The following RALYL variants were observed in gnomAD, a reference collection of about 807,000 sequenced individuals.
The protein encoded by RALYL is RNA-binding Raly-like protein.
A neutral mutation model predicts 35.1 loss-of-function variants in RALYL; 29 were observed. That is an observed-to-expected ratio of 0.83 (90% CI 0.61 to 1.13). The LOEUF is 1.13. RALYL is among the 50% of genes most tolerant of loss of function. The pLI is 0.00. For synonymous variants in RALYL, 120 were observed against 127.6 expected (o/e 0.94, Z 0.40); for missense variants, 359 against 360.4 (o/e 1.00, Z 0.03).
In RALYL at chr8:84,419,059, G is replaced by A. The variant is rs886151778; in HGVS notation, c.-23-110240G>A. The stretch of plus-strand genomic sequence containing the variant: ...GCAGATATGATTTCTCTCCAACTCC[G>A]TATGTAAAAAAGATAAGGTGAAAAG... On this transcript the variant is annotated intron_variant, in intron 1 of 8. Transcript: ENST00000521268. 3.3e-5 allele frequency among the ~76,000 whole-genome samples: 5 copies of A among 151,962 alleles called. No homozygotes were observed. The South Asian group carries it at 6.2e-4, about 19-fold the overall frequency.
intron 1 of RALYL, among the ~76,000 whole-genome samples, chr8:84,469,602 G>GC (rs1361382054): frequency 6.6e-6 from 1 of 152,020 alleles, no homozygotes; most frequent in African/African-American, 2.4e-5. Context: ...TTTTGTTTGT[G>GC]CCCTGCCCCC....
intron 1 of RALYL, among the ~76,000 whole-genome samples, chr8:84,455,710 A>G (rs1325720468): frequency 6.6e-6 from 1 of 152,048 alleles, no homozygotes; most frequent in Non-Finnish European, 1.5e-5. Flanking sequence ...AAATCAATTC[A>G]ATTATTCAGT....
intron 2 of RALYL, among the ~76,000 whole-genome samples, chr8:84,676,673 T>G (rs1032137734): frequency 1.3e-5 from 2 of 152,232 alleles, no homozygotes; most frequent in East Asian, 1.9e-4. Flanking sequence ...ATGCCATCAT[T>G]AAGCCTCAAT....
intron 1 of RALYL, among the ~76,000 whole-genome samples, chr8:84,409,212 A>AGAAG (rs1392750706): frequency 6.6e-6 from 1 of 152,016 alleles, no homozygotes; most frequent in Non-Finnish European, 1.5e-5. Context: ...AGGTGATTTT[A>AGAAG]TTTCATTGAG....
intron 2 of RALYL, among the ~76,000 whole-genome samples, chr8:84,539,876 A>ATATG (rs1564110690): frequency 1.6e-3 from 31 of 19,048 alleles, no homozygotes; most frequent in African/African-American, 3.2e-3. Context: ...ATATATATAT[A>ATATG]TGTATATATA....
intron 7 of RALYL, among the ~76,000 whole-genome samples, chr8:84,886,390 G>A (rs1024983690): frequency 7.2e-5 from 11 of 151,876 alleles, no homozygotes; most frequent in African/African-American, 1.9e-4. Flanking sequence ...TTTATCTCAC[G>A]TTATGAAAAA....
chr8:84,878,876 A>C (rs1841685961), intron 7 of RALYL, among the ~76,000 whole-genome samples: 1 of 152,126 alleles, frequency 6.6e-6, no homozygotes, highest in South Asian at 2.1e-4. Flanking sequence ...CAGTTTTCCT[A>C]GGTCATCTGT....
chr8:84,388,969 GT>G (rs1340530102), intron 1 of RALYL, among the ~76,000 whole-genome samples: 1 of 152,090 alleles, frequency 6.6e-6, no homozygotes, highest in Non-Finnish European at 1.5e-5. Flanking sequence ...GGTTTTTATG[GT>G]TTTAGGTCTA....
chr8:84,617,203 A>G (rs1248412083), intron 2 of RALYL, among the ~76,000 whole-genome samples: 1 of 151,210 alleles, frequency 6.6e-6, no homozygotes, highest in Non-Finnish European at 1.5e-5. Flanking sequence ...TTTTCACGAT[A>G]TTGATTGTTC....
intron 1 of RALYL, among the ~76,000 whole-genome samples, chr8:84,361,808 TGAA>T (rs757720728): frequency 6.6e-6 from 1 of 152,130 alleles, no homozygotes; most frequent in Non-Finnish European, 1.5e-5. Context: ...AACTGGTGGG[TGAA>T]GAAGTTGAGA....
At chr8:84,312,396 C>G (rs1302108403) in intron 1 of RALYL, among the ~76,000 whole-genome samples, 1 of 152,166 alleles carries the variant, frequency 6.6e-6, no homozygotes, top group Non-Finnish European at 1.5e-5. Context: ...AACAGTCCCC[C>G]AACATCTTAA....
chr8:84,666,210 C>T (rs1206101545), intron 2 of RALYL, among the ~76,000 whole-genome samples: 1 of 152,008 alleles, frequency 6.6e-6, no homozygotes, highest in South Asian at 2.1e-4. Flanking sequence ...TTTCATTGCT[C>T]TGAAATACTA....
At chr8:84,757,441 T>C (rs533776468) in intron 2 of RALYL, among the ~76,000 whole-genome samples, 1 of 152,198 alleles carries the variant, frequency 6.6e-6, no homozygotes, top group Non-Finnish European at 1.5e-5. Flanking sequence ...ACTGCCGATG[T>C]GCAGTTTGTA....
chr8:84,914,356 T>G lies in RALYL; in HGVS notation c.859-6538T>G, dbSNP rs550844139. ...ATTTTTAGACACTACATAATTAGTA[T>G]GAAAAATCAAAAATCGATGCATGAT... On this transcript the variant is annotated intron_variant, in intron 8 of 8. Transcript: ENST00000521268. 7.9e-5 allele frequency among the ~76,000 whole-genome samples: 12 copies of G among 152,098 alleles called. No individual in the cohort carries two copies. The South Asian group carries it at 2.5e-3, about 32-fold the overall frequency.
intron 2 of RALYL, among the ~76,000 whole-genome samples, chr8:84,750,759 G>A (rs1323600873): frequency 6.6e-6 from 1 of 152,140 alleles, no homozygotes; most frequent in Non-Finnish European, 1.5e-5. Flanking sequence ...CCCTTACCAT[G>A]TGATGGCCTG....
At chr8:84,791,580 G>A (rs1018947514) in intron 3 of RALYL, among the ~76,000 whole-genome samples, 5 of 152,174 alleles carry the variant, frequency 3.3e-5, no homozygotes, top group Non-Finnish European at 5.9e-5. Flanking sequence ...ATTGTGGAGT[G>A]TTAGGGTAGA....
At chr8:84,459,716 T>C (rs1254994907) in intron 1 of RALYL, among the ~76,000 whole-genome samples, 1 of 151,732 alleles carries the variant, frequency 6.6e-6, no homozygotes, top group Non-Finnish European at 1.5e-5. Flanking sequence ...TGAAATCATC[T>C]CCAGTAAGTG....
In RALYL at chr8:84,826,684, GA is replaced by G. The variant is rs561203429; in HGVS notation, c.365+21883del. On this transcript the variant is annotated intron_variant, in intron 4 of 8. Coordinates refer to ENST00000521268, the MANE Select transcript of RALYL (RefSeq NM_173848.7). Reference sequence around the variant, plus strand: ...GGACCCTTCATCATCACGCTCCAATGAGGCCCACCAGTCGATAAGCCCTGCC... The same window carrying G: ...GGACCCTTCATCATCACGCTCCAATGGGCCCACCAGTCGATAAGCCCTGCC... 5.4e-3 allele frequency among the ~76,000 whole-genome samples: 827 copies of G among 151,822 alleles called. 6 individuals are homozygous for G. Among genetic ancestry groups the G allele is most frequent in the African/African-American group, 0.019 (778 of 41,374 alleles).
In RALYL at chr8:84,530,267, GA is replaced by G. The variant is rs1273713246; in HGVS notation, c.256+697del. On this transcript the variant is annotated intron_variant, in intron 2 of 8. Transcript: ENST00000521268. The stretch of plus-strand genomic sequence containing the variant: ...TTATTTAGATGTTTTTCTACCTTAG[GA>G]AAAAAATATGGTTAATATATTAATG... Among the ~76,000 whole-genome samples the G allele has an allele frequency of 4.0e-5, 6 of 151,764 alleles. No homozygotes were observed. In the East Asian group the frequency reaches 7.7e-4, roughly 20 times the overall value.
Sources: allele counts gnomAD v4.1 joint callset (sites outside exome capture counted in the v4.1 genomes callset), GRCh38; gene constraint gnomAD v4.1.1; transcripts MANE v1.5; gene names NCBI Gene and HGNC (gene_info 2026-07-23, HGNC 2026-07-21).